Variants in ZBTB24 observed in about 807,000 individuals in gnomAD.
The protein encoded by ZBTB24 is zinc finger and BTB domain-containing protein 24.
In ZBTB24, 32 loss-of-function variants were observed where a neutral mutation model predicts 53.8. The ratio of observed to expected loss-of-function variants is 0.60; its 90% CI spans 0.45 to 0.80. ZBTB24 has a LOEUF of 0.80. Ranked by LOEUF, ZBTB24 falls within the 30% of genes least tolerant of loss-of-function variation. The probability of loss-of-function intolerance (pLI) is 0.00; values close to 1 mark genes in which losing one functional copy is unlikely to be tolerated. For missense variants in ZBTB24, 722 were observed against 837.1 expected, an observed-to-expected ratio of 0.86 and a Z score of 1.70; for synonymous variants, 297 against 306.7, an observed-to-expected ratio of 0.97 and a Z score of 0.33.
At position 109,476,798 on chromosome 6, in the gene ZBTB24, TTGG is replaced by T; in HGVS notation, c.1082_1084del (p.Thr361del). On this transcript the variant is annotated inframe_deletion, in exon 3 of 7. Coordinates refer to ENST00000230122, the MANE Select transcript of ZBTB24 (RefSeq NM_014797.3). ...GCTCATGTGCTCCAGCAGTGAGTGCTTGGTGGTCAGAGCCTTGCTGCACACGGT... is the reference window on the plus strand; with the variant it reads ...GCTCATGTGCTCCAGCAGTGAGTGCTTGGTCAGAGCCTTGCTGCACACGGT... The T allele has an allele frequency of 6.2e-7, 1 of 1,613,960 alleles. No homozygotes were observed. The highest frequency in any genetic ancestry group is 1.3e-5 in the African/African-American group (1 of 75,048).
At position 109,465,859 on chromosome 6, in the gene ZBTB24, G is replaced by A. The variant is rs201165223; in HGVS notation, c.2086C>T (p.Gln696Ter). ...VPQPTPLGQE[Q>*]S ...TCAAACGTGTTTACAGGTCAGCTCTGCTCCTGGCCAAGTGGCGTTGGCTGG... is the reference window on the plus strand; with the variant it reads ...TCAAACGTGTTTACAGGTCAGCTCTACTCCTGGCCAAGTGGCGTTGGCTGG... The change falls in exon 7 of 7, where the codon CAG (glutamine) becomes TAG (stop). Residue 696 changes from glutamine to a stop codon, truncating the protein, a stop_gained. Transcript: ENST00000230122. LOFTEE classifies it high-confidence loss of function. The A allele has an allele frequency of 4.4e-5, 71 of 1,614,064 alleles. No homozygotes were observed. Among genetic ancestry groups the A allele is most frequent in the Non-Finnish European group, 5.9e-6 (7 of 1,180,038 alleles).
Position 109,466,381 on chromosome 6 carries a change from T to C in ZBTB24, c.1564A>G (p.Ser522Gly). 1 of 1,614,230 alleles carries C rather than the reference T, an allele frequency of 6.2e-7. No individual in the cohort carries two copies. Among genetic ancestry groups the C allele is most frequent in the Non-Finnish European group, 8.5e-7 (1 of 1,180,042 alleles). The change falls in exon 7 of 7, where the codon AGC becomes GGC. Residue 522 changes from serine to glycine, a missense_variant. Transcript: ENST00000230122. Reference protein sequence around the residue: ...HSKEKHASDASSISGSSNTEE... With the variant: ...HSKEKHASDAGSISGSSNTEE... The stretch of plus-strand genomic sequence containing the variant: ...GTATTACTACTGCCAGAAATGCTGC[T>C]GGCATCTGAAGCATGCTTCTCCTTG...
intron 5 of ZBTB24, among the ~76,000 whole-genome samples, chr6:109,468,308 T>C (rs1282602489): frequency 6.6e-6 from 1 of 152,126 alleles, no homozygotes; most frequent in Non-Finnish European, 1.5e-5. Context: ...TGAGCCTTGA[T>C]GCAGTCAGGT....
rs1776285823 is a variant in ZBTB24 at position 109,476,760 on chromosome 6, T to A, written c.1120+3A>T. 6.2e-7 allele frequency: 1 copy of A among 1,612,734 alleles called. No individual in the cohort carries two copies. Among genetic ancestry groups the A allele is most frequent in the Non-Finnish European group, 8.5e-7 (1 of 1,179,850 alleles). On this transcript the variant is annotated splice_donor_region_variant and intron_variant, in intron 3 of 6. Transcript: ENST00000230122. Reference sequence around the variant, plus strand: ...AGCTGGCCCTCTGGGCAAGCCCCACTACCTGAGTGCAGGCTCATGTGCTCC... The same window carrying A: ...AGCTGGCCCTCTGGGCAAGCCCCACAACCTGAGTGCAGGCTCATGTGCTCC...
At chr6:109,482,690 G>A (rs549591580) in intron 1 of ZBTB24, among the ~76,000 whole-genome samples, 3 of 152,008 alleles carry the variant, frequency 2.0e-5, no homozygotes, top group African/African-American at 4.8e-5. Flanking sequence ...ATAAAATGAA[G>A]GAATGGGATT....
At position 109,465,529 on chromosome 6, in the gene ZBTB24, G is replaced by A. The variant is rs1038445404; in HGVS notation, c.*322C>T. On this transcript the variant is annotated 3_prime_UTR_variant, in exon 7 of 7. Coordinates refer to ENST00000230122, the MANE Select transcript of ZBTB24 (RefSeq NM_014797.3). ...GAGGTTGGCAAGACCATAACCTATG[G>A]CTGTGAACATTTAAACCTTACAGAA... The A allele has an allele frequency of 1.0e-6, 1 of 966,452 alleles. No homozygotes were observed. Among genetic ancestry groups the A allele is most frequent in the Non-Finnish European group, 1.5e-6 (1 of 660,320 alleles). The allele number at this position is 966,452 out of a possible 1,614,324, so 59.9% of individuals were successfully genotyped here. A position where few individuals can be genotyped will look rare whatever the true frequency, so the allele number is the denominator to read the frequency against.
chr6:109,476,072 A>T, intron 4 of ZBTB24, 103 bp downstream of exon 4: 1 of 1,327,740 alleles, frequency 7.5e-7, no homozygotes, highest in Non-Finnish European at 1.1e-6. Flanking sequence ...ACCCTATGTG[A>T]ACGATATGTG....
Position 109,481,844 on chromosome 6 carries a change from G to A in ZBTB24, c.183C>T (p.Tyr61=), listed in dbSNP as rs1016041556. 6.2e-7 allele frequency: 1 copy of A among 1,614,180 alleles called. No individual in the cohort carries two copies. Among genetic ancestry groups the A allele is most frequent in the Non-Finnish European group, 8.5e-7 (1 of 1,180,032 alleles). ...CCTCTTCTGCAAACATCATTGAGAA[G>A]TATTCACTACTGGCAGCAAGTAAGG... is the stretch of plus-strand genomic sequence containing the variant. ...HKALLAASSE[Y]FSMMFAEEGE... is the part of the protein sequence containing the mutation. The change falls in exon 2 of 7, where the codon TAC becomes TAT. Residue 61 remains tyrosine, a synonymous_variant. Transcript: ENST00000230122.
Position 109,466,567 on chromosome 6 carries a change from T to C in ZBTB24, c.1378A>G (p.Lys460Glu). The C allele has an allele frequency of 6.2e-7, 1 of 1,611,400 alleles. No homozygotes were observed. Among genetic ancestry groups the C allele is most frequent in the Non-Finnish European group, 8.5e-7 (1 of 1,180,004 alleles). The part of the protein sequence containing the change: ...QTHIRIHRGE[K>E]PYSCGICGKS... ...CCACAAATGCCACAGGAGTATGGCT[T>C]TTCTCCTCTGTAAGAAAATAAACAT... Residue 460 changes from lysine to glutamate, a missense_variant, in exon 7 of 7, where the codon AAG (lysine) becomes GAG (glutamate). Coordinates refer to ENST00000230122, the MANE Select transcript of ZBTB24 (RefSeq NM_014797.3).
chr6:109,477,372 A>T (rs1776302071), intron 2 of ZBTB24, among the ~76,000 whole-genome samples: 2 of 152,098 alleles, frequency 1.3e-5, no homozygotes, highest in African/African-American at 2.4e-5. Context: ...GCAGGTCTCC[A>T]ACTCCTGGGC....
Position 109,471,519 on chromosome 6 carries a change from G to C in ZBTB24, c.1289-3785C>G, listed in dbSNP as rs564279523. On this transcript the variant is annotated intron_variant, in intron 5 of 6. Transcript: ENST00000230122. ...GAACTTTATCATTTGTTCCCTGACA[G>C]GGCCATCTACCTGTGAGTAGGAACC... Among the ~76,000 whole-genome samples the C allele has an allele frequency of 2.2e-4, 33 of 152,326 alleles. 1 individual carries two copies. The South Asian group carries it at 6.6e-3, about 31-fold the overall frequency.
Position 109,464,879 on chromosome 6 carries a change from G to A in ZBTB24, c.*972C>T, listed in dbSNP as rs1775995730. Reference sequence around the variant, plus strand: ...AGTCTGCAATAAAAATGAATTATAAGCTTCCATCTCCAGAAAGTTATCAGA... The same window carrying A: ...AGTCTGCAATAAAAATGAATTATAAACTTCCATCTCCAGAAAGTTATCAGA... On this transcript the variant is annotated 3_prime_UTR_variant, in exon 7 of 7. Coordinates refer to ENST00000230122, the MANE Select transcript of ZBTB24 (RefSeq NM_014797.3). The A allele has an allele frequency of 1.3e-5, 2 of 152,164 alleles. No individual in the cohort carries two copies. The allele number at this position is 152,164 out of a possible 1,614,324, so 9.4% of individuals were successfully genotyped here. A position where few individuals can be genotyped will look rare whatever the true frequency, so the allele number is the denominator to read the frequency against.
rs200343244 is a variant in ZBTB24, at chr6:109,474,749, A to T, written c.1288+650T>A. ...CTCCGTCTCAAAAAAAAAAAAAAAA[A>T]TTTATCTTGCTGGGTATGGTGGCTC... On this transcript the variant is annotated intron_variant, in intron 5 of 6. Coordinates refer to ENST00000230122, the MANE Select transcript of ZBTB24 (RefSeq NM_014797.3). 5.0e-4 allele frequency among the ~76,000 whole-genome samples: 75 copies of T among 151,188 alleles called. No individual in the cohort carries two copies. The South Asian group carries it at 9.2e-3, about 19-fold the overall frequency.
rs567889730 is a variant in ZBTB24, at chr6:109,465,025, T to C, written c.*826A>G. 6.6e-6 allele frequency: 1 copy of C among 152,414 alleles called. No homozygotes were observed. Among genetic ancestry groups the C allele is most frequent in the East Asian group, 1.9e-4 (1 of 5,186 alleles). The allele number at this position is 152,414 out of a possible 1,614,324, so 9.4% of individuals were successfully genotyped here. A position where few individuals can be genotyped will look rare whatever the true frequency, so the allele number is the denominator to read the frequency against. ...AATAGTGAAGAAAGCTTTACCTTCA[T>C]GAAAATCAAATCTCTTTTCTGACAA... On this transcript the variant is annotated 3_prime_UTR_variant, in exon 7 of 7. Coordinates refer to ENST00000230122, the MANE Select transcript of ZBTB24 (RefSeq NM_014797.3).
rs75951137 is a variant in ZBTB24, at chr6:109,473,369, G to A, written c.1288+2030C>T. Among the ~76,000 whole-genome samples the A allele has an allele frequency of 1.1e-3, 172 of 152,144 alleles. 1 individual carries two copies. Among genetic ancestry groups the A allele is most frequent in the African/African-American group, 3.9e-3 (162 of 41,512 alleles). On this transcript the variant is annotated intron_variant, in intron 5 of 6. Coordinates refer to ENST00000230122, the MANE Select transcript of ZBTB24 (RefSeq NM_014797.3). ...TTGTCAAAAACATTTATTCCTGCCT[G>A]AGGGCCCTGTGCCCAGGGCTCCCCC...
intron 5 of ZBTB24, among the ~76,000 whole-genome samples, chr6:109,470,784 CTT>C (rs750840095): frequency 1.1e-4 from 16 of 152,250 alleles, no homozygotes; most frequent in African/African-American, 3.4e-4. Context: ...ATTCTCATCT[CTT>C]GAGACAACCA....
intron 5 of ZBTB24, among the ~76,000 whole-genome samples, chr6:109,471,025 G>A: frequency 6.6e-6 from 1 of 152,356 alleles, no homozygotes; most frequent in East Asian, 1.9e-4. Flanking sequence ...TGCCTATGAT[G>A]AATATCCTTA....
chr6:109,480,876 T>C (rs1776390472), intron 2 of ZBTB24, 199 bp downstream of exon 2: 4 of 1,317,746 alleles, frequency 3.0e-6, no homozygotes, highest in Middle Eastern at 2.6e-4. Context: ...TATGAGTAAA[T>C]ATGATTTTAA....
At position 109,465,477 on chromosome 6, in the gene ZBTB24, C is replaced by T; in HGVS notation, c.*374G>A. 3.1e-6 allele frequency: 2 copies of T among 648,374 alleles called. No homozygotes were observed. Among genetic ancestry groups the T allele is most frequent in the Non-Finnish European group, 5.2e-6 (2 of 384,732 alleles). The allele number at this position is 648,374 out of a possible 1,614,324, so 40.2% of individuals were successfully genotyped here. A position where few individuals can be genotyped will look rare whatever the true frequency, so the allele number is the denominator to read the frequency against. On this transcript the variant is annotated 3_prime_UTR_variant, in exon 7 of 7. Coordinates refer to ENST00000230122, the MANE Select transcript of ZBTB24 (RefSeq NM_014797.3). ...GTTCAACCAAAATGACTCCCTTTGTCCTAGAAAACAAAAAAACATAACTGG... is the reference window on the plus strand; with the variant it reads ...GTTCAACCAAAATGACTCCCTTTGTTCTAGAAAACAAAAAAACATAACTGG...
Sources: allele counts gnomAD v4.1 joint callset (sites outside exome capture counted in the v4.1 genomes callset), GRCh38; gene constraint gnomAD v4.1.1; transcripts MANE v1.5; gene names NCBI Gene and HGNC (gene_info 2026-07-23, HGNC 2026-07-21).